Variants in CD180 observed in about 807,000 individuals in gnomAD.
The protein encoded by CD180 is CD180 molecule.
In CD180, 11 loss-of-function variants were observed where a neutral mutation model predicts 10.7. The observed-to-expected ratio is 1.03, with a 90% confidence interval of 0.65 to 1.70. The LOEUF (loss-of-function observed/expected upper bound fraction) is 1.70, where lower values mean the gene tolerates loss of function less well. Among genes scored for constraint, CD180 ranks in the 40% most tolerant of loss-of-function variants. The pLI is 0.00. For missense variants in CD180, 729 were observed against 775.2 expected (o/e 0.94, Z 0.71); for synonymous variants, 286 against 294.6 (o/e 0.97, Z 0.30).
chr5:67,181,942 C>T lies in CD180; in HGVS notation c.*915G>A, dbSNP rs1170714069. The T allele has an allele frequency of 6.6e-6, 1 of 152,214 alleles. No homozygotes were observed. The highest frequency in any genetic ancestry group is 2.4e-5 in the African/African-American group (1 of 41,444). 9.4% of individuals were successfully genotyped at this position (152,214 alleles called of 1,614,324 possible). A position where few individuals can be genotyped will look rare whatever the true frequency, so the allele number is the denominator to read the frequency against. The stretch of plus-strand genomic sequence containing the variant: ...GTGCTAATTCAAATGCTCTCCGAAG[C>T]AAATAGGCTTTTAAGGGCAAGCCTG... On this transcript the variant is annotated 3_prime_UTR_variant, in exon 3 of 3. Coordinates refer to ENST00000256447, the MANE Select transcript of CD180 (RefSeq NM_005582.3).
rs1422994372 is a variant in CD180 at position 67,196,724 on chromosome 5, GCAGC to G, written c.-87_-84del. ...AAACTGTGAAGGCCCTGGCAATTTG[GCAGC>G]CAGAGAGGTACTCAGAAGGGTGATC... On this transcript the variant is annotated 5_prime_UTR_variant, in exon 1 of 3. An upstream open reading frame in the 5' UTR loses its in-frame stop. Transcript: ENST00000256447. The G allele has an allele frequency of 5.0e-6, 8 of 1,589,182 alleles. No individual in the cohort carries two copies. Among genetic ancestry groups the G allele is most frequent in the Non-Finnish European group, 6.9e-6 (8 of 1,165,338 alleles).
At chr5:67,195,487 G>A (rs1742383268) in intron 1 of CD180, among the ~76,000 whole-genome samples, 1 of 152,230 alleles carries the variant, frequency 6.6e-6, no homozygotes, top group South Asian at 2.1e-4. Flanking sequence ...AAAGTGCTGG[G>A]ATTATAGGCG....
chr5:67,184,776 T>A (rs1742150197), intron 2 of CD180, among the ~76,000 whole-genome samples, 191 bp from the exon 3 acceptor site: 1 of 152,108 alleles, frequency 6.6e-6, no homozygotes, highest in Non-Finnish European at 1.5e-5. Context: ...CAATCTAGAT[T>A]TTTTTTCCAG....
At chr5:67,192,477 C>T (rs1192712631) in intron 1 of CD180, among the ~76,000 whole-genome samples, 2 of 152,160 alleles carry the variant, frequency 1.3e-5, no homozygotes, top group Non-Finnish European at 2.9e-5. Context: ...GCTCTGCAGG[C>T]TCTACAGGAA....
chr5:67,184,082 G>T lies in CD180; in HGVS notation c.761C>A (p.Thr254Lys). ...ATCTTCGTCATCAATGTCCTCAAAT[G>T]TTCCCAGCCAGAGAGACTGAGTAGT... ...NSTTQSLWLG[T>K]FEDIDDEDIS... The change falls in exon 3 of 3, where the codon ACA becomes AAA. Residue 254 changes from threonine (T) to lysine (K), a missense_variant. Coordinates refer to ENST00000256447, the MANE Select transcript of CD180 (RefSeq NM_005582.3). The T allele has an allele frequency of 6.2e-7, 1 of 1,614,178 alleles. No homozygotes were observed. The highest frequency in any genetic ancestry group is 8.5e-7 in the Non-Finnish European group (1 of 1,180,028).
At position 67,184,155 on chromosome 5, in the gene CD180, CAAA is replaced by C; in HGVS notation, c.685_687del (p.Phe229del). On this transcript the variant is annotated inframe_deletion, in exon 3 of 3. Transcript: ENST00000256447. ...ATAACAGACAAATTTGGAGTTCCTC[CAAA>C]GTTCAAACTTTGGAAGATCGTTGAA... is the stretch of plus-strand genomic sequence containing the variant. The C allele has an allele frequency of 6.2e-7, 1 of 1,614,152 alleles. No individual in the cohort carries two copies. Among genetic ancestry groups the C allele is most frequent in the Non-Finnish European group, 8.5e-7 (1 of 1,180,006 alleles).
At chr5:67,195,945 T>C (rs1742393297) in intron 1 of CD180, among the ~76,000 whole-genome samples, 1 of 152,208 alleles carries the variant, frequency 6.6e-6, no homozygotes, top group South Asian at 2.1e-4. Flanking sequence ...CTTCTCCTTT[T>C]TCTCTCATTA....
Position 67,188,767 on chromosome 5 carries a change from G to A in CD180, c.91-2750C>T, listed in dbSNP as rs1033297398. Among the ~76,000 whole-genome samples, 3 of 152,178 alleles carry A rather than the reference G, an allele frequency of 2.0e-5. No individual in the cohort carries two copies. The South Asian group carries it at 6.2e-4, about 31-fold the overall frequency. On this transcript the variant is annotated intron_variant, in intron 1 of 2. Transcript: ENST00000256447. ...CCACAGACATGCTCATCTGCAGAAA[G>A]TCACCAGTTTTCTTTGATATTGTGA...
At chr5:67,185,172 G>A (rs1041539074) in intron 2 of CD180, among the ~76,000 whole-genome samples, 3 of 149,622 alleles carry the variant, frequency 2.0e-5, no homozygotes, top group South Asian at 2.1e-4. Flanking sequence ...AAGATGAAGC[G>A]GTAGTATGGA....
chr5:67,180,062 C>G lies in CD180; in HGVS notation c.*2795G>C, dbSNP rs1742008655. ...TTGACAGCAGCCATCAACAAGCTCC[C>G]TTTCTGACTTTGTGGGGTGAATTTA... On this transcript the variant is annotated 3_prime_UTR_variant, in exon 3 of 3. Transcript: ENST00000256447. 1 of 152,252 alleles carries G rather than the reference C, an allele frequency of 6.6e-6. No homozygotes were observed. 9.4% of individuals were successfully genotyped at this position (152,252 alleles called of 1,614,324 possible).
At chr5:67,187,755 T>C (rs1259477164) in intron 1 of CD180, among the ~76,000 whole-genome samples, 1 of 152,208 alleles carries the variant, frequency 6.6e-6, no homozygotes, top group Non-Finnish European at 1.5e-5. Flanking sequence ...GCTTTGAATA[T>C]GTCCTCCAAA....
At chr5:67,188,696 A>C (rs1742247351) in intron 1 of CD180, among the ~76,000 whole-genome samples, 1 of 152,196 alleles carries the variant, frequency 6.6e-6, no homozygotes, top group African/African-American at 2.4e-5. Flanking sequence ...TTGTAACCTC[A>C]TTTTCTTTCA....
intron 1 of CD180, among the ~76,000 whole-genome samples, chr5:67,186,916 T>G (rs1742208355): frequency 6.6e-6 from 1 of 150,516 alleles, no homozygotes; most frequent in Admixed American, 6.6e-5. Context: ...GAGGAGATAG[T>G]GCTTGTTAAA....
Position 67,191,729 on chromosome 5 carries a change from A to T in CD180, c.90+4823T>A, listed in dbSNP as rs191202768. 1.4e-3 allele frequency among the ~76,000 whole-genome samples: 214 copies of T among 152,328 alleles called. 3 individuals carry two copies. The highest frequency in any genetic ancestry group is 4.4e-3 in the Admixed American group (67 of 15,304). On this transcript the variant is annotated intron_variant, in intron 1 of 2. Coordinates refer to ENST00000256447, the MANE Select transcript of CD180 (RefSeq NM_005582.3). Reference sequence around the variant, plus strand: ...TTGCTTAAGTCACACATATATAGGGACACAAACATTCACAGAGAGAGAGAG... The same window carrying T: ...TTGCTTAAGTCACACATATATAGGGTCACAAACATTCACAGAGAGAGAGAG...
chr5:67,193,133 T>G (rs1338282519), intron 1 of CD180, among the ~76,000 whole-genome samples: 1 of 152,220 alleles, frequency 6.6e-6, no homozygotes, highest in Non-Finnish European at 1.5e-5. Context: ...CTCCTCAGTT[T>G]GCGAACTGTT....
At position 67,181,404 on chromosome 5, in the gene CD180, C is replaced by G. The variant is rs763578299; in HGVS notation, c.*1453G>C. 6.6e-6 allele frequency: 1 copy of G among 152,194 alleles called. No individual in the cohort carries two copies. Among genetic ancestry groups the G allele is most frequent in the Non-Finnish European group, 1.5e-5 (1 of 68,046 alleles). The allele number at this position is 152,194 out of a possible 1,614,324, so 9.4% of individuals were successfully genotyped here. A position where few individuals can be genotyped will look rare whatever the true frequency, so the allele number is the denominator to read the frequency against. On this transcript the variant is annotated 3_prime_UTR_variant, in exon 3 of 3. Transcript: ENST00000256447. ...AGTGTGAAGGCCTGAAATCCCTGAG[C>G]AGAGAAGAGGTTCACCCACTGCTGT... is the stretch of plus-strand genomic sequence containing the variant.
rs111737467 is a variant in CD180, at chr5:67,188,338, A to G, written c.91-2321T>C. ...ACTATGAGAAATAAATTACTTTTCT[A>G]TACAAATTACCCAGGCTGTGGCATT... is the stretch of plus-strand genomic sequence containing the variant. On this transcript the variant is annotated intron_variant, in intron 1 of 2. Coordinates refer to ENST00000256447, the MANE Select transcript of CD180 (RefSeq NM_005582.3). Among the ~76,000 whole-genome samples the G allele has an allele frequency of 2.7e-3, 407 of 152,314 alleles. 2 individuals carry two copies. The highest frequency in any genetic ancestry group is 6.8e-3 in the Middle Eastern group (2 of 294).
chr5:67,186,078 A>C (rs1742188555), intron 1 of CD180, 61 bp from the exon 2 acceptor site: 1 of 1,085,408 alleles, frequency 9.2e-7, no homozygotes, highest in Non-Finnish European at 1.3e-6. Context: ...CTATCTAGCA[A>C]AATTATATAT....
In CD180 at chr5:67,183,796, G is replaced by T. The variant is rs368893764; in HGVS notation, c.1047C>A (p.His349Gln). 24 of 1,614,008 alleles carry T rather than the reference G, an allele frequency of 1.5e-5. No individual in the cohort carries two copies. Among genetic ancestry groups the T allele is most frequent in the Non-Finnish European group, 1.9e-5 (22 of 1,179,978 alleles). Residue 349 changes from histidine to glutamine, a missense_variant, in exon 3 of 3, where the codon CAC becomes CAA. By Grantham distance (24) the His-to-Gln change is conservative. Transcript: ENST00000256447. ...TCTTCACGTTGCCTCTGATGTAGAG[G>T]TGTGTAAGGGAGGGGAAATTGGCAG... The part of the protein sequence containing the change: ...ISAANFPSLT[H>Q]LYIRGNVKKL...
Sources: gnomAD v4.1 joint callset for allele counts (sites outside exome capture counted in the v4.1 genomes callset) on GRCh38, gnomAD v4.1.1 for gene constraint, MANE v1.5 for transcripts, NCBI Gene and HGNC (gene_info 2026-07-23, HGNC 2026-07-21) for gene names.